Variants in CSGALNACT1 observed in about 807,000 individuals in gnomAD.
CSGALNACT1 encodes the protein chondroitin sulfate N-acetylgalactosaminyltransferase 1.
A neutral mutation model predicts 51.0 loss-of-function variants in CSGALNACT1; 52 were observed. The observed-to-expected ratio is 1.02, with a 90% CI of 0.82 to 1.29. CSGALNACT1 has a LOEUF of 1.29. CSGALNACT1 is among the 50% of genes most tolerant of loss of function. The pLI is 0.00. For synonymous variants in CSGALNACT1, 341 were observed against 254.4 expected, an observed-to-expected ratio of 1.34 and a Z score of -3.24; for missense variants, 935 against 679.2, an observed-to-expected ratio of 1.38 and a Z score of -4.19.
At chr8:19,684,258 G>C (rs1256748665), upstream of CSGALNACT1, among the ~76,000 whole-genome samples, 1 of 151,998 alleles carries the variant, frequency 6.6e-6, no homozygotes, top group African/African-American at 2.4e-5. Flanking sequence ...TCCTGAAACA[G>C]ATCTAAGAAT....
intron 1 of CSGALNACT1, among the ~76,000 whole-genome samples, chr8:19,709,890 C>T (rs1416976285): frequency 1.3e-5 from 2 of 152,174 alleles, no homozygotes; most frequent in Non-Finnish European, 2.9e-5. Flanking sequence ...GTGCCTTCCA[C>T]TCCTAAAGGC....
intron 2 of CSGALNACT1, among the ~76,000 whole-genome samples, chr8:19,595,244 G>T (rs946998324): frequency 6.6e-6 from 1 of 152,026 alleles, no homozygotes; most frequent in African/African-American, 2.4e-5. Context: ...TCAAAGTAAA[G>T]GTTATCCCTT....
intron 4 of CSGALNACT1, among the ~76,000 whole-genome samples, chr8:19,473,135 C>T (rs2068597446): frequency 6.6e-6 from 1 of 152,052 alleles, no homozygotes; most frequent in South Asian, 2.1e-4. Flanking sequence ...TTCAAGTCGC[C>T]ACTGTGGACC....
intron 3 of CSGALNACT1, among the ~76,000 whole-genome samples, chr8:19,509,303 G>A (rs910780781): frequency 2.6e-5 from 4 of 152,018 alleles, no homozygotes; most frequent in Non-Finnish European, 5.9e-5. Flanking sequence ...TTTTTCCTTC[G>A]GTAGCACAAA....
At position 19,479,812 on chromosome 8, in the gene CSGALNACT1, CTTCA is replaced by C. The variant is rs1432942707; in HGVS notation, c.635-21174_635-21171del. 2.3e-4 allele frequency among the ~76,000 whole-genome samples: 5 copies of C among 21,882 alleles called. No homozygotes were observed. In the East Asian group the frequency reaches 8.2e-3, roughly 36 times the overall value. The allele number at this position is 21,882 out of a possible 152,430, so 14.4% of individuals were successfully genotyped here. ...CTCCGTAGATCACACTAATGCCTGT[CTTCA>C]GGAAAGAACTTAGAAAAAAAAAAAA... is the stretch of plus-strand genomic sequence containing the variant. On this transcript the variant is annotated intron_variant, in intron 4 of 9. Transcript: ENST00000454498.
At chr8:19,594,621 G>A (rs1199166250) in intron 2 of CSGALNACT1, among the ~76,000 whole-genome samples, 3 of 152,126 alleles carry the variant, frequency 2.0e-5, no homozygotes, top group East Asian at 3.9e-4. Context: ...TCTGCTCACT[G>A]CAACCTCCAC....
At chr8:19,686,523 C>T (rs367746058), upstream of CSGALNACT1, among the ~76,000 whole-genome samples, 27 of 152,284 alleles carry the variant, frequency 1.8e-4, no homozygotes, top group East Asian at 2.3e-3. Flanking sequence ...GGGGGTTTGT[C>T]TGTGCCTAGG....
rs375576097 is a variant in CSGALNACT1 at position 19,617,563 on chromosome 8, A to G, written c.-543-15698T>C. On this transcript the variant is annotated intron_variant, in intron 1 of 9. Transcript: ENST00000332246. ...AACACAAAACACAGTTCAATTACCC[A>G]TTTTGTTCATAAATCTGTCCTACAG... Among the ~76,000 whole-genome samples the G allele has an allele frequency of 5.3e-5, 8 of 152,170 alleles. No homozygotes were observed. The East Asian group carries it at 5.8e-4, about 11-fold the overall frequency.
exon 4 of CSGALNACT1, chr8:19,505,852 G>T (rs751198395): frequency 6.2e-7 from 1 of 1,606,306 alleles, no homozygotes; most frequent in Admixed American, 1.7e-5. Context: ...TCAGCCATGC[G>T]TCCAGAACCG....
intron 4 of CSGALNACT1, among the ~76,000 whole-genome samples, chr8:19,491,565 T>C (rs956091775): frequency 6.6e-6 from 1 of 152,228 alleles, no homozygotes; most frequent in African/African-American, 2.4e-5. Flanking sequence ...GTTTTAAACT[T>C]TATTAGGTAA....
At chr8:19,464,519 A>C (rs1403415012) in intron 4 of CSGALNACT1, among the ~76,000 whole-genome samples, 1 of 152,074 alleles carries the variant, frequency 6.6e-6, no homozygotes, top group Non-Finnish European at 1.5e-5. Context: ...TATTAAGCAC[A>C]TATAACTACT....
chr8:19,518,486 T>C (rs1472129304), intron 3 of CSGALNACT1, among the ~76,000 whole-genome samples: 1 of 152,236 alleles, frequency 6.6e-6, no homozygotes, highest in East Asian at 1.9e-4. Context: ...TATGTAAACA[T>C]CATACCTGAT....
At chr8:19,564,050 C>T (rs774162195) in intron 3 of CSGALNACT1, among the ~76,000 whole-genome samples, 1 of 152,196 alleles carries the variant, frequency 6.6e-6, no homozygotes, top group African/African-American at 2.4e-5. Context: ...CTGCCCTGTC[C>T]TGACTTGATC....
At chr8:19,477,989 C>T (rs1236025171) in intron 4 of CSGALNACT1, among the ~76,000 whole-genome samples, 1 of 152,054 alleles carries the variant, frequency 6.6e-6, no homozygotes. Flanking sequence ...CCAGGGACCC[C>T]ACCTCCTGAA....
chr8:19,492,294 A>G (rs751265783), intron 4 of CSGALNACT1, among the ~76,000 whole-genome samples: 3 of 152,166 alleles, frequency 2.0e-5, no homozygotes, highest in Admixed American at 6.5e-5. Flanking sequence ...CATTTGGTTG[A>G]AGCCCTCACG....
At chr8:19,661,411 G>A (rs1289088939) in intron 1 of CSGALNACT1, among the ~76,000 whole-genome samples, 2 of 152,154 alleles carry the variant, frequency 1.3e-5, no homozygotes. Flanking sequence ...ACTGACGAAA[G>A]GGATTTATTA....
At chr8:19,678,510 T>C (rs567007817) in intron 1 of CSGALNACT1, 4 of 152,202 alleles carry the variant, frequency 2.6e-5, no homozygotes, top group East Asian at 1.9e-4. Flanking sequence ...AGGCACGTAA[T>C]AGAAAATGTA....
At chr8:19,690,794 A>G (rs915930522) in intron 1 of CSGALNACT1, among the ~76,000 whole-genome samples, 1 of 152,256 alleles carries the variant, frequency 6.6e-6, no homozygotes, top group African/African-American at 2.4e-5. Flanking sequence ...CCTAAGGACT[A>G]CTTTGCTCAA....
chr8:19,406,622 G>A (rs1296124575), intron 9 of CSGALNACT1, among the ~76,000 whole-genome samples: 4 of 46,070 alleles, frequency 8.7e-5, no homozygotes, highest in African/African-American at 1.8e-4. Context: ...TAGAGGTTTC[G>A]TAAAAAAAAA....
Sources: gnomAD v4.1 joint callset for allele counts (sites outside exome capture counted in the v4.1 genomes callset) on GRCh38, gnomAD v4.1.1 for gene constraint, MANE v1.5 for transcripts, NCBI Gene and HGNC (gene_info 2026-07-23, HGNC 2026-07-21) for gene names.